The following NEO1 variants were observed in gnomAD, a reference collection of about 807,000 sequenced individuals.
NEO1 encodes the protein neogenin 1.
NEO1 carries 63 observed loss-of-function variants against 159.7 expected under a neutral mutation model. The observed-to-expected ratio is 0.39, with a 90% confidence interval of 0.32 to 0.49. NEO1 has a LOEUF of 0.49. Among genes scored for constraint, NEO1 ranks in the 20% least tolerant of loss-of-function variants. The pLI is 0.85. For missense variants in NEO1, 1,615 were observed against 1,831.0 expected (o/e 0.88, Z 2.15); for synonymous variants, 633 against 662.0 (o/e 0.96, Z 0.67).
chr15:73,171,629 A>G (rs1294454280), intron 5 of NEO1, among the ~76,000 whole-genome samples: 1 of 146,524 alleles, frequency 6.8e-6, no homozygotes, highest in Non-Finnish European at 1.5e-5. Flanking sequence ...TATTATTATT[A>G]TTATTATTAT....
At chr15:73,182,078 G>A (rs377153199) in intron 7 of NEO1, among the ~76,000 whole-genome samples, 15 of 152,150 alleles carry the variant, frequency 9.9e-5, no homozygotes, top group East Asian at 9.7e-4. Flanking sequence ...ATGGATGGCA[G>A]CAGGCAAAGA....
At chr15:73,082,082 C>T (rs769981769) in intron 1 of NEO1, among the ~76,000 whole-genome samples, 17 of 152,036 alleles carry the variant, frequency 1.1e-4, no homozygotes, top group African/African-American at 3.6e-4. Flanking sequence ...CCACATTGGC[C>T]GGACTGGTCT....
chr15:73,107,873 TAA>T (rs1567208562), intron 1 of NEO1, among the ~76,000 whole-genome samples: 1 of 152,172 alleles, frequency 6.6e-6, no homozygotes. Context: ...CCACCAGTAT[TAA>T]AAAGTGGCTT....
chr15:73,238,020 C>T (rs989703311), intron 8 of NEO1, among the ~76,000 whole-genome samples: 3 of 152,248 alleles, frequency 2.0e-5, no homozygotes, highest in East Asian at 1.9e-4. Flanking sequence ...CTTAGCCCCT[C>T]GGTGACTGTC....
At chr15:73,064,402 G>T (rs59537860) in intron 1 of NEO1, among the ~76,000 whole-genome samples, 13,652 of 152,064 alleles carry the variant, frequency 0.09, 798 homozygotes, top group African/African-American at 0.16. Flanking sequence ...CATTCTCATA[G>T]TTGAATTGTT....
intron 5 of NEO1, among the ~76,000 whole-genome samples, chr15:73,138,672 C>T (rs1266269043): frequency 1.3e-5 from 2 of 150,644 alleles, no homozygotes; most frequent in African/African-American, 2.4e-5. Flanking sequence ...AGGAGAATGG[C>T]GTGAACCTGG....
intron 25 of NEO1, among the ~76,000 whole-genome samples, chr15:73,290,421 C>A (rs1196288989): frequency 6.6e-6 from 1 of 151,380 alleles, no homozygotes; most frequent in African/African-American, 2.4e-5. Context: ...TTTGTAGACA[C>A]GGGGTTTCAC....
At chr15:73,227,758 C>G (rs904830795) in intron 7 of NEO1, among the ~76,000 whole-genome samples, 1 of 152,192 alleles carries the variant, frequency 6.6e-6, no homozygotes, top group Non-Finnish European at 1.5e-5. Flanking sequence ...ACATACTGTT[C>G]TAAACATAGT....
In NEO1 at chr15:73,052,558, C is replaced by T. The variant is rs1470486713; in HGVS notation, c.-118C>T. On this transcript the variant is annotated 5_prime_UTR_variant, in exon 1 of 29. Transcript: ENST00000261908. Reference sequence around the variant, plus strand: ...CGGGCCGGGCCGGGCTGGGCTGGAGCAGCGGCGGCCGCGGGAGCCGAGCTT... The same window carrying T: ...CGGGCCGGGCCGGGCTGGGCTGGAGTAGCGGCGGCCGCGGGAGCCGAGCTT... 2 of 516,584 alleles carry T rather than the reference C, an allele frequency of 3.9e-6. No homozygotes were observed. Among genetic ancestry groups the T allele is most frequent in the African/African-American group, 2.1e-5 (1 of 48,070 alleles). The allele number at this position is 516,584 out of a possible 1,614,324, so 32.0% of individuals were successfully genotyped here.
chr15:73,224,875 A>T (rs1287062934), intron 7 of NEO1, among the ~76,000 whole-genome samples: 1 of 151,878 alleles, frequency 6.6e-6, no homozygotes, highest in Non-Finnish European at 1.5e-5. Context: ...GGTGTTAAAG[A>T]GCCTAGTTTT....
chr15:73,227,389 G>C (rs966966104), intron 7 of NEO1, among the ~76,000 whole-genome samples: 1 of 152,068 alleles, frequency 6.6e-6, no homozygotes, highest in African/African-American at 2.4e-5. Context: ...CCAGCTACCC[G>C]GGAGGCTGAC....
intron 1 of NEO1, among the ~76,000 whole-genome samples, chr15:73,063,980 C>A (rs1016323812): frequency 1.3e-5 from 2 of 152,114 alleles, no homozygotes; most frequent in Non-Finnish European, 2.9e-5. Flanking sequence ...TTGTTCAAAG[C>A]CCGAGAAGTA....
intron 1 of NEO1, among the ~76,000 whole-genome samples, chr15:73,081,619 A>G (rs973464331): frequency 6.6e-6 from 1 of 151,826 alleles, no homozygotes; most frequent in African/African-American, 2.4e-5. Flanking sequence ...ACTGTCACCC[A>G]GACTGGAGTG....
intron 26 of NEO1, among the ~76,000 whole-genome samples, chr15:73,297,306 C>T (rs781362596): frequency 2.6e-5 from 4 of 152,230 alleles, no homozygotes; most frequent in Admixed American, 6.5e-5. Flanking sequence ...TGCTTAACCT[C>T]CCAGTGCCTT....
chr15:73,081,097 CAT>C (rs1161054492), intron 1 of NEO1, among the ~76,000 whole-genome samples: 1 of 152,124 alleles, frequency 6.6e-6, no homozygotes, highest in Non-Finnish European at 1.5e-5. Context: ...AAAACACAGA[CAT>C]GTTCATTTTT....
chr15:73,097,384 G>A (rs887255928), intron 1 of NEO1, among the ~76,000 whole-genome samples: 3 of 99,068 alleles, frequency 3.0e-5, no homozygotes, highest in Admixed American at 2.8e-4. Context: ...TTTTGAGACC[G>A]AGTCTTACTC....
chr15:73,188,539 T>A (rs1257337268), intron 7 of NEO1, among the ~76,000 whole-genome samples: 1 of 152,172 alleles, frequency 6.6e-6, no homozygotes, highest in Non-Finnish European at 1.5e-5. Flanking sequence ...TTTAAGTCAT[T>A]TCCTATTCTT....
chr15:73,246,458 G>C (rs990147413), intron 9 of NEO1, among the ~76,000 whole-genome samples: 14 of 152,148 alleles, frequency 9.2e-5, no homozygotes, highest in African/African-American at 3.1e-4. Context: ...CCCTTCATCA[G>C]CTTTCATATA....
At chr15:73,286,101 C>T (rs2041937783) in intron 23 of NEO1, among the ~76,000 whole-genome samples, 1 of 107,754 alleles carries the variant, frequency 9.3e-6, no homozygotes, top group African/African-American at 3.7e-5. Context: ...TGGTCCTTTT[C>T]ACCGGCTGCT....
Sources: allele counts gnomAD v4.1 joint callset (sites outside exome capture counted in the v4.1 genomes callset), GRCh38; gene constraint gnomAD v4.1.1; transcripts MANE v1.5; gene names NCBI Gene and HGNC (gene_info 2026-07-23, HGNC 2026-07-21).